Variants in DHX15 observed in about 807,000 individuals in gnomAD.
DHX15 encodes the protein ATP-dependent RNA helicase DHX15.
In DHX15, 11 loss-of-function variants were observed where a neutral mutation model predicts 94.4. The ratio of observed to expected loss-of-function variants is 0.12; its 90% confidence interval spans 0.07 to 0.19. DHX15 has a LOEUF of 0.19. Among genes scored for constraint, DHX15 ranks in the 10% least tolerant of loss-of-function variants. The probability of loss-of-function intolerance (pLI) is 1.00; values close to 1 mark genes in which losing one functional copy is unlikely to be tolerated. For synonymous variants in DHX15, 338 were observed against 329.9 expected (o/e 1.02, Z -0.27); for missense variants, 304 against 988.5 (o/e 0.31, Z 9.29).
intron 1 of DHX15, among the ~76,000 whole-genome samples, chr4:24,577,181 A>G (rs746953213): frequency 1.1e-4 from 16 of 152,224 alleles, no homozygotes; most frequent in Non-Finnish European, 2.4e-4. Context: ...GGTTTTGCTC[A>G]ATACTTTTAT....
At chr4:24,538,158 T>C (rs1721232818) in intron 10 of DHX15, 1 of 152,186 alleles carries the variant, frequency 6.6e-6, no homozygotes, top group South Asian at 2.1e-4. Flanking sequence ...ATAAAAATAC[T>C]TAACAGCTTG....
intron 1 of DHX15, chr4:24,580,733 G>A (rs996728527): frequency 2.0e-5 from 3 of 152,032 alleles, no homozygotes; most frequent in African/African-American, 7.3e-5. Flanking sequence ...GGCCAGGCTG[G>A]TCTTGAACTC....
At chr4:24,577,703 C>G (rs147365937) in intron 1 of DHX15, among the ~76,000 whole-genome samples, 1 of 152,056 alleles carries the variant, frequency 6.6e-6, no homozygotes, top group Non-Finnish European at 1.5e-5. Context: ...AGTATCTATG[C>G]TAAGAACTTC....
intron 1 of DHX15, chr4:24,580,898 T>TTG (rs1722397903): frequency 6.6e-6 from 1 of 152,178 alleles, no homozygotes; most frequent in Non-Finnish European, 1.5e-5. Context: ...ATAAGGATGT[T>TTG]CATCAAACTT....
At chr4:24,552,432 TTCTC>T (rs1000955711) in intron 5 of DHX15, among the ~76,000 whole-genome samples, 1 of 152,330 alleles carries the variant, frequency 6.6e-6, no homozygotes, top group African/African-American at 2.4e-5. Context: ...CTTTAAACTG[TTCTC>T]TCTCCCTCCC....
intron 6 of DHX15, among the ~76,000 whole-genome samples, chr4:24,546,713 T>G (rs1419178899): frequency 1.3e-5 from 2 of 152,184 alleles, no homozygotes; most frequent in Non-Finnish European, 2.9e-5. Context: ...TTATAAAATC[T>G]ATTTTTCATA....
chr4:24,536,961 C>T (rs879627848), intron 11 of DHX15, 90 bp downstream of exon 11: 107 of 1,400,712 alleles, frequency 7.6e-5, no homozygotes, highest in Middle Eastern at 2.5e-4. Context: ...TAAGTTGTCA[C>T]GGATAATAAA....
In DHX15 at chr4:24,537,332, T is replaced by C; in HGVS notation, c.1787-159A>G. The C allele has an allele frequency of 1.2e-6, 1 of 825,506 alleles. No homozygotes were observed. The highest frequency in any genetic ancestry group is 1.8e-6 in the Non-Finnish European group (1 of 551,180). 51.1% of individuals were successfully genotyped at this position (825,506 alleles called of 1,614,324 possible). A position where few individuals can be genotyped will look rare whatever the true frequency, so the allele number is the denominator to read the frequency against. On this transcript the variant is annotated intron_variant, in intron 10 of 13. Coordinates refer to ENST00000336812, the MANE Select transcript of DHX15 (RefSeq NM_001358.3). The surrounding 1 kb of genome is among the most constrained non-coding windows in gnomAD (Gnocchi z 4.7). ...TGGATTGTTTACTACCTTGATTTGG[T>C]ACATCAACACCTAACCACATCTGTA...
At chr4:24,547,911 A>C (rs111920958) in intron 6 of DHX15, among the ~76,000 whole-genome samples, 480 of 15,022 alleles carry the variant, frequency 0.032, 10 homozygotes, top group South Asian at 0.056. Flanking sequence ...GTGTATATAT[A>C]TATATATATA....
At chr4:24,562,169 C>T (rs985068893) in intron 3 of DHX15, among the ~76,000 whole-genome samples, 9 of 141,624 alleles carry the variant, frequency 6.4e-5, no homozygotes, top group Admixed American at 1.4e-4. Context: ...GTACACCAAA[C>T]TCCTACAACA....
In DHX15 at chr4:24,556,238, G is replaced by T; in HGVS notation, c.861+13C>A. On this transcript the variant is annotated intron_variant, in intron 4 of 13. Transcript: ENST00000336812. ...CACATATATAGTTAAATGGAGAGAAGAAATTACTTCACCTTTAAATCTGAT... is the reference window on the plus strand; with the variant it reads ...CACATATATAGTTAAATGGAGAGAATAAATTACTTCACCTTTAAATCTGAT... 6.2e-7 allele frequency: 1 copy of T among 1,611,880 alleles called. No homozygotes were observed. The highest frequency in any genetic ancestry group is 8.5e-7 in the Non-Finnish European group (1 of 1,178,698).
intron 1 of DHX15, among the ~76,000 whole-genome samples, chr4:24,581,169 C>G (rs1353151798): frequency 2.0e-5 from 3 of 151,984 alleles, no homozygotes; most frequent in African/African-American, 4.8e-5. Context: ...GCTGGGACTA[C>G]AGGTGCCCGC....
At chr4:24,573,441 C>T (rs987066759) in intron 2 of DHX15, among the ~76,000 whole-genome samples, 7 of 152,164 alleles carry the variant, frequency 4.6e-5, no homozygotes, top group African/African-American at 1.7e-4. Context: ...ATCCCAAATT[C>T]ACACATTCAA....
chr4:24,572,175 CTG>C (rs1722137064), intron 2 of DHX15, among the ~76,000 whole-genome samples: 1 of 152,194 alleles, frequency 6.6e-6, no homozygotes, highest in Admixed American at 6.6e-5. Flanking sequence ...GAATCTCACT[CTG>C]TTGACCAGGC....
intron 6 of DHX15, among the ~76,000 whole-genome samples, chr4:24,547,950 T>TAC (rs1560766061): frequency 2.2e-3 from 27 of 12,188 alleles, no homozygotes; most frequent in African/African-American, 0.011. Flanking sequence ...TATCTATATC[T>TAC]ATATCTATAT....
chr4:24,553,681 G>A (rs1190835670), intron 5 of DHX15, among the ~76,000 whole-genome samples: 1 of 151,870 alleles, frequency 6.6e-6, no homozygotes, highest in South Asian at 2.1e-4. Flanking sequence ...GGAGGCTGAG[G>A]CAAGAGAATC....
At chr4:24,584,237 C>A (rs1722553272) in intron 1 of DHX15, 86 bp downstream of exon 1, 9 of 1,368,724 alleles carry the variant, frequency 6.6e-6, no homozygotes, top group Admixed American at 2.0e-5. Context: ...CTCCAGGACC[C>A]GCTCGGCCAG....
chr4:24,531,555 CA>C (rs1721084585), intron 12 of DHX15, among the ~76,000 whole-genome samples: 3 of 151,918 alleles, frequency 2.0e-5, no homozygotes, highest in Admixed American at 1.3e-4. Flanking sequence ...TCTACACACA[CA>C]AAAAGGCAAA....
chr4:24,568,693 A>G (rs1465968585), intron 3 of DHX15, among the ~76,000 whole-genome samples: 3 of 152,202 alleles, frequency 2.0e-5, no homozygotes, highest in Non-Finnish European at 4.4e-5. Flanking sequence ...GGCTTACCAA[A>G]AAAATTCAAT....
Sources: gnomAD v4.1 joint callset for allele counts (sites outside exome capture counted in the v4.1 genomes callset) on GRCh38, gnomAD v4.1.1 for gene constraint, Gnocchi (gnomAD v3.1) non-coding constraint, MANE v1.5 for transcripts, NCBI Gene and HGNC (gene_info 2026-07-23, HGNC 2026-07-21) for gene names.